The following XYLT1 variants were observed in gnomAD, a reference collection of about 807,000 sequenced individuals.
XYLT1 encodes the protein beta-D-xylosyltransferase 1.
Under a neutral mutation model 91.3 loss-of-function variants are expected in XYLT1, and 36 were observed. That is an observed-to-expected ratio of 0.39 (90% CI 0.30 to 0.52). XYLT1 has a LOEUF of 0.52. Among genes scored for constraint, XYLT1 ranks in the 20% least tolerant of loss-of-function variants. The pLI, the probability that XYLT1 is intolerant of heterozygous loss-of-function variation, is 0.68. For missense variants in XYLT1, 1,242 were observed against 1,284.5 expected, an observed-to-expected ratio of 0.97 and a Z score of 0.51; for synonymous variants, 588 against 532.0, an observed-to-expected ratio of 1.11 and a Z score of -1.45.
intron 9 of XYLT1, among the ~76,000 whole-genome samples, chr16:17,129,931 T>A (rs1396137680): frequency 6.6e-6 from 1 of 152,220 alleles, no homozygotes; most frequent in East Asian, 1.9e-4. Flanking sequence ...CCTATTTTTC[T>A]ACCTCTGGAA....
intron 2 of XYLT1, among the ~76,000 whole-genome samples, chr16:17,297,714 C>A (rs1207186695): frequency 6.6e-6 from 1 of 151,944 alleles, no homozygotes; most frequent in African/African-American, 2.4e-5. Context: ...CAGAGTGAGA[C>A]CTTGTCTCTA....
intron 2 of XYLT1, among the ~76,000 whole-genome samples, chr16:17,280,650 C>T (rs2034043259): frequency 6.6e-6 from 1 of 152,182 alleles, no homozygotes; most frequent in East Asian, 1.9e-4. Context: ...TCTCCCAACC[C>T]AGAGGACACT....
rs536315584 is a variant in XYLT1, at chr16:17,361,828, T to C, written c.364-3778A>G. Among the ~76,000 whole-genome samples, 68 of 152,366 alleles carry C rather than the reference T, an allele frequency of 4.5e-4. 2 individuals carry two copies. The South Asian group carries it at 0.013, about 29-fold the overall frequency. ...TATTCTTAACTTTGTCCTATGGGCATATTACTTGACTGAGGTTCTGAACAG... is the reference window on the plus strand; with the variant it reads ...TATTCTTAACTTTGTCCTATGGGCACATTACTTGACTGAGGTTCTGAACAG... On this transcript the variant is annotated intron_variant, in intron 1 of 11. Coordinates refer to ENST00000261381, the MANE Select transcript of XYLT1 (RefSeq NM_022166.4).
chr16:17,133,406 A>G (rs977170306), intron 9 of XYLT1, among the ~76,000 whole-genome samples: 10 of 152,196 alleles, frequency 6.6e-5, no homozygotes, highest in Admixed American at 2.6e-4. Flanking sequence ...GAGAATGGAA[A>G]AAAAGGGCTT....
intron 5 of XYLT1, chr16:17,197,893 A>T (rs529872151): frequency 6.1e-5 from 20 of 325,780 alleles, no homozygotes; most frequent in Middle Eastern, 9.3e-4. Flanking sequence ...ACTCCTCTTT[A>T]TATATACACC....
chr16:17,381,891 G>A (rs7189031), intron 1 of XYLT1, among the ~76,000 whole-genome samples: 63,590 of 151,612 alleles, frequency 0.42, 14,102 homozygotes, highest in African/African-American at 0.5. Flanking sequence ...CAGTGGCAAT[G>A]GATGTGGGCT....
At chr16:17,379,757 T>TTTCACACACACACA (rs1555501187) in intron 1 of XYLT1, among the ~76,000 whole-genome samples, 7 of 129,922 alleles carry the variant, frequency 5.4e-5, no homozygotes, top group African/African-American at 2.4e-4. Context: ...TCTCTCTCTC[T>TTTCACACACACACA]CTCTCTCACA....
At chr16:17,263,254 A>G (rs2033749778) in intron 2 of XYLT1, among the ~76,000 whole-genome samples, 1 of 152,164 alleles carries the variant, frequency 6.6e-6, no homozygotes, top group Non-Finnish European at 1.5e-5. Flanking sequence ...AAAACCAGAC[A>G]GAAAACACTG....
At chr16:17,153,263 T>C (rs965209329) in intron 6 of XYLT1, among the ~76,000 whole-genome samples, 2 of 152,168 alleles carry the variant, frequency 1.3e-5, no homozygotes, top group Non-Finnish European at 2.9e-5. Context: ...AGAAAACTGA[T>C]ACACAGGTAA....
intron 10 of XYLT1, among the ~76,000 whole-genome samples, chr16:17,123,847 G>A (rs2030161878): frequency 6.6e-6 from 1 of 152,110 alleles, no homozygotes; most frequent in Non-Finnish European, 1.5e-5. Flanking sequence ...TTAGATTGTG[G>A]TGTTTTCCTG....
At chr16:17,462,902 A>G (rs980934496) in intron 1 of XYLT1, among the ~76,000 whole-genome samples, 1 of 152,236 alleles carries the variant, frequency 6.6e-6, no homozygotes, top group African/African-American at 2.4e-5. Flanking sequence ...AGTGCCTGGC[A>G]AACAGAATAG....
chr16:17,418,546 TAAAA>T (rs11364108), intron 1 of XYLT1, among the ~76,000 whole-genome samples: 2 of 149,470 alleles, frequency 1.3e-5, no homozygotes, highest in African/African-American at 4.9e-5. Context: ...AGTTCAGAGT[TAAAA>T]AAAAAAGTAG....
intron 2 of XYLT1, among the ~76,000 whole-genome samples, chr16:17,273,066 A>T (rs2033920187): frequency 6.6e-6 from 1 of 152,226 alleles, no homozygotes. Context: ...TGCATCCTGC[A>T]CATCTTCTGA....
intron 3 of XYLT1, among the ~76,000 whole-genome samples, chr16:17,228,968 T>C (rs1176962213): frequency 1.3e-5 from 2 of 152,056 alleles, no homozygotes; most frequent in Non-Finnish European, 2.9e-5. Flanking sequence ...CTGTTTGATT[T>C]CCTTTTATTT....
At chr16:17,406,779 G>A (rs866429412) in intron 1 of XYLT1, among the ~76,000 whole-genome samples, 1 of 151,892 alleles carries the variant, frequency 6.6e-6, no homozygotes, top group African/African-American at 2.4e-5. Context: ...TAATTCAAAA[G>A]AAAAAACAAA....
At chr16:17,417,040 T>C (rs1405368592) in intron 1 of XYLT1, among the ~76,000 whole-genome samples, 3 of 152,080 alleles carry the variant, frequency 2.0e-5, no homozygotes, top group African/African-American at 7.2e-5. Context: ...GGTAAGACTT[T>C]ATGGATAGCT....
intron 5 of XYLT1, among the ~76,000 whole-genome samples, chr16:17,182,074 T>C (rs2032082922): frequency 6.6e-6 from 1 of 152,208 alleles, no homozygotes. Flanking sequence ...TTCTTCCTTT[T>C]ACCGCTCCCT....
At chr16:17,157,003 A>G (rs575808824) in intron 6 of XYLT1, among the ~76,000 whole-genome samples, 254 of 151,268 alleles carry the variant, frequency 1.7e-3, no homozygotes, top group Non-Finnish European at 2.0e-3. Context: ...GCTGGAGTGC[A>G]GTGGTACAAT....
chr16:17,112,354 A>G (rs1157122158), intron 11 of XYLT1, among the ~76,000 whole-genome samples: 5 of 151,554 alleles, frequency 3.3e-5, no homozygotes, highest in Non-Finnish European at 7.4e-5. Flanking sequence ...AAATACAATT[A>G]CCAAGGACAG....
Sources: allele counts gnomAD v4.1 joint callset (sites outside exome capture counted in the v4.1 genomes callset), GRCh38; gene constraint gnomAD v4.1.1; transcripts MANE v1.5; gene names NCBI Gene and HGNC (gene_info 2026-07-23, HGNC 2026-07-21).